The following GAB1 variants were observed in gnomAD, a reference collection of about 807,000 sequenced individuals.
GAB1 encodes GRB2 associated binding protein 1.
A neutral mutation model predicts 66.5 loss-of-function variants in GAB1; 19 were observed. The ratio of observed to expected loss-of-function variants is 0.29; its 90% CI spans 0.20 to 0.42. The LOEUF (loss-of-function observed/expected upper bound fraction) is 0.42. Among genes scored for constraint, GAB1 ranks in the 10% least tolerant of loss-of-function variants. The pLI is 1.00. For synonymous variants in GAB1, 294 were observed against 301.4 expected, an observed-to-expected ratio of 0.98 and a Z score of 0.25; for missense variants, 732 against 858.5, an observed-to-expected ratio of 0.85 and a Z score of 1.84.
intron 1 of GAB1, among the ~76,000 whole-genome samples, chr4:143,402,206 C>T (rs192733852): frequency 6.6e-6 from 1 of 152,238 alleles, no homozygotes; most frequent in East Asian, 1.9e-4. Context: ...TTTGTCTACA[C>T]TAATAAAATG....
At chr4:143,348,318 A>C (rs758698765) in intron 1 of GAB1, among the ~76,000 whole-genome samples, 7 of 152,204 alleles carry the variant, frequency 4.6e-5, no homozygotes, top group African/African-American at 9.7e-5. Flanking sequence ...TAAATCCAAA[A>C]CTGCTTATAT....
intron 1 of GAB1, among the ~76,000 whole-genome samples, chr4:143,365,598 T>C (rs1158552171): frequency 6.6e-6 from 1 of 152,212 alleles, no homozygotes. Context: ...ATCTCTGATC[T>C]TGAAGGGGCC....
intron 1 of GAB1, among the ~76,000 whole-genome samples, chr4:143,412,175 G>T (rs898208940): frequency 3.3e-5 from 5 of 152,186 alleles, no homozygotes; most frequent in Admixed American, 2.6e-4. Flanking sequence ...GAATGGATGG[G>T]GGGGAGCCAC....
At chr4:143,350,516 A>G (rs1483013567) in intron 1 of GAB1, among the ~76,000 whole-genome samples, 1 of 152,014 alleles carries the variant, frequency 6.6e-6, no homozygotes, top group Non-Finnish European at 1.5e-5. Flanking sequence ...CGTCTATACT[A>G]ATAATACAAA....
chr4:143,413,815 C>T (rs896635584), intron 1 of GAB1, among the ~76,000 whole-genome samples: 1 of 131,208 alleles, frequency 7.6e-6, no homozygotes, highest in Non-Finnish European at 1.6e-5. Context: ...TCCCCACCAC[C>T]CCGCTGCCCT....
chr4:143,415,447 A>C, intron 1 of GAB1, 30 bp from the exon 2 acceptor site: 5 of 1,533,058 alleles, frequency 3.3e-6, no homozygotes, highest in Non-Finnish European at 4.4e-6. Flanking sequence ...TCAAGTTAAT[A>C]CTGAATGGAT....
At chr4:143,351,117 G>A (rs1288300462) in intron 1 of GAB1, among the ~76,000 whole-genome samples, 2 of 152,204 alleles carry the variant, frequency 1.3e-5, no homozygotes, top group African/African-American at 4.8e-5. Flanking sequence ...TGCTCTTTTA[G>A]TTTGCCGTCT....
At chr4:143,410,150 G>T (rs549242383) in intron 1 of GAB1, among the ~76,000 whole-genome samples, 1 of 151,142 alleles carries the variant, frequency 6.6e-6, no homozygotes, top group Admixed American at 6.6e-5. Flanking sequence ...CTTCTCTCTT[G>T]CCTGCCCATA....
chr4:143,365,262 A>G (rs756639501), intron 1 of GAB1, among the ~76,000 whole-genome samples: 2 of 152,094 alleles, frequency 1.3e-5, no homozygotes, highest in African/African-American at 2.4e-5. Context: ...GGAGGGGGAA[A>G]TGATACCTAA....
intron 1 of GAB1, among the ~76,000 whole-genome samples, chr4:143,411,966 T>G (rs1278227015): frequency 6.6e-6 from 1 of 152,218 alleles, no homozygotes; most frequent in African/African-American, 2.4e-5. Flanking sequence ...AGGTGCTGCT[T>G]GGCTAAATTC....
At chr4:143,356,141 A>G (rs1347912767) in intron 1 of GAB1, among the ~76,000 whole-genome samples, 1 of 152,132 alleles carries the variant, frequency 6.6e-6, no homozygotes. Flanking sequence ...TTGTGGGGGA[A>G]ATATTCAAAT....
Position 143,442,645 on chromosome 4 carries a change from A to T in GAB1, c.1585+2263A>T, listed in dbSNP as rs371388878. On this transcript the variant is annotated intron_variant, in intron 6 of 9. Transcript: ENST00000262994. The stretch of plus-strand genomic sequence containing the variant: ...ATATACTATGTATCATGTATACTAC[A>T]TATTTTATAATTATACATCCCTATG... Among the ~76,000 whole-genome samples the T allele has an allele frequency of 1.8e-4, 27 of 152,268 alleles. No individual in the cohort carries two copies. In the East Asian group the frequency reaches 4.8e-3, roughly 27 times the overall value.
At chr4:143,352,025 C>G (rs959107944) in intron 1 of GAB1, among the ~76,000 whole-genome samples, 5 of 152,174 alleles carry the variant, frequency 3.3e-5, no homozygotes, top group Admixed American at 2.6e-4. Context: ...GATGGCTGAG[C>G]CTTTGATCAC....
intron 1 of GAB1, among the ~76,000 whole-genome samples, chr4:143,371,375 C>T (rs1239711720): frequency 2.0e-5 from 3 of 152,162 alleles, no homozygotes; most frequent in Non-Finnish European, 4.4e-5. Context: ...TCATATCCTT[C>T]ACCCACTTTT....
intron 1 of GAB1, among the ~76,000 whole-genome samples, chr4:143,357,400 T>C (rs1472230016): frequency 6.6e-6 from 1 of 152,148 alleles, no homozygotes; most frequent in African/African-American, 2.4e-5. Flanking sequence ...GAGGAGTCCA[T>C]TGGAACCAGG....
intron 3 of GAB1, chr4:143,434,259 G>T: frequency 2.2e-6 from 1 of 450,138 alleles, no homozygotes; most frequent in Admixed American, 3.8e-5. Context: ...TATACAAATT[G>T]GATGTTAGTG....
chr4:143,395,107 T>TA (rs1242870935), intron 1 of GAB1: 1 of 152,232 alleles, frequency 6.6e-6, no homozygotes, highest in African/African-American at 2.4e-5. Context: ...ATGAGAGTGT[T>TA]ATAACAGTTC....
At chr4:143,411,471 G>A (rs899601220) in intron 1 of GAB1, among the ~76,000 whole-genome samples, 9 of 152,088 alleles carry the variant, frequency 5.9e-5, no homozygotes, top group Admixed American at 5.2e-4. Context: ...ATGATTTTTT[G>A]TGTGAATTTC....
At chr4:143,436,600 G>C (rs1293329143) in intron 3 of GAB1, among the ~76,000 whole-genome samples, 2 of 152,090 alleles carry the variant, frequency 1.3e-5, no homozygotes, top group Non-Finnish European at 2.9e-5. Context: ...GAATAAGTAC[G>C]CGGCTAAGAA....
Sources: allele counts gnomAD v4.1 joint callset (sites outside exome capture counted in the v4.1 genomes callset), GRCh38; gene constraint gnomAD v4.1.1; transcripts MANE v1.5; gene names NCBI Gene and HGNC (gene_info 2026-07-23, HGNC 2026-07-21).